SNX31: variants seen among roughly 807,000 people sequenced by gnomAD.
The protein encoded by SNX31 is sorting nexin 31.
In SNX31, 58 loss-of-function variants were observed where a neutral mutation model predicts 65.4. The ratio of observed to expected loss-of-function variants is 0.89; its 90% CI spans 0.72 to 1.10. The LOEUF is 1.10. SNX31 is among the 50% of genes least tolerant of loss of function. The pLI, the probability that SNX31 is intolerant of heterozygous loss-of-function variation, is 0.00. For synonymous variants in SNX31, 181 were observed against 190.1 expected, an observed-to-expected ratio of 0.95 and a Z score of 0.39; for missense variants, 523 against 529.7, an observed-to-expected ratio of 0.99 and a Z score of 0.12.
At chr8:100,652,024 G>GC (rs1563593008), upstream of SNX31, among the ~76,000 whole-genome samples, 3 of 152,062 alleles carry the variant, frequency 2.0e-5, no homozygotes, top group African/African-American at 7.2e-5. Flanking sequence ...AGTCACCCAG[G>GC]CCGGAGTGCA....
intron 2 of SNX31, 91 bp from the exon 3 acceptor site, chr8:100,636,102 C>T: frequency 1.2e-6 from 1 of 811,706 alleles, no homozygotes; most frequent in East Asian, 2.6e-5. Context: ...CAAGTCCCAT[C>T]CCAGCACTTT....
chr8:100,631,314 G>T (rs1029456859), intron 3 of SNX31, among the ~76,000 whole-genome samples: 5 of 152,010 alleles, frequency 3.3e-5, no homozygotes, highest in African/African-American at 1.2e-4. Flanking sequence ...GCCCAGCCTG[G>T]TTCCTCCTGG....
At chr8:100,582,372 T>C (rs1330166325) in intron 12 of SNX31, 1 of 152,206 alleles carries the variant, frequency 6.6e-6, no homozygotes. Context: ...TTTTAATACA[T>C]ACAATAATCT....
Position 100,604,679 on chromosome 8 carries a change from T to C in SNX31, c.681+3815A>G, listed in dbSNP as rs1815974048. Among the ~76,000 whole-genome samples the C allele has an allele frequency of 6.6e-6, 1 of 152,234 alleles. No individual in the cohort carries two copies. On this transcript the variant is annotated intron_variant, in intron 8 of 13. Coordinates refer to ENST00000311812, the MANE Select transcript of SNX31 (RefSeq NM_152628.4). The surrounding 1 kb of genome is among the most constrained non-coding windows in gnomAD (Gnocchi z 4.3). Reference sequence around the variant, plus strand: ...CTTCAAAATGTATACTTACTTATAGTTTTAAATGCAATCTCTCATTTTTAA... The same window carrying C: ...CTTCAAAATGTATACTTACTTATAGCTTTAAATGCAATCTCTCATTTTTAA...
intron 2 of SNX31, among the ~76,000 whole-genome samples, chr8:100,643,933 A>C (rs1490179125): frequency 2.6e-5 from 4 of 152,228 alleles, no homozygotes; most frequent in African/African-American, 4.8e-5. Context: ...CAATCAGAGA[A>C]AGGCATCTCA....
intron 8 of SNX31, among the ~76,000 whole-genome samples, chr8:100,605,094 T>C (rs1222288663): frequency 1.3e-5 from 2 of 152,152 alleles, no homozygotes; most frequent in African/African-American, 2.4e-5. Flanking sequence ...AGATGGAGTT[T>C]CACCATGTTA....
intron 12 of SNX31, among the ~76,000 whole-genome samples, chr8:100,581,325 C>CTATATA (rs1401988460): frequency 0.019 from 2,440 of 128,892 alleles, 65 homozygotes; most frequent in Admixed American, 0.06. Context: ...ATATCTATAT[C>CTATATA]TATCTATCTA....
chr8:100,650,850 G>GTT (rs58797178), upstream of SNX31, among the ~76,000 whole-genome samples: 2,365 of 136,812 alleles, frequency 0.017, 64 homozygotes, highest in African/African-American at 0.053. Flanking sequence ...GTGTTTTTTT[G>GTT]TTTTTTTTTT....
chr8:100,602,106 G>A (rs550671779), intron 8 of SNX31, among the ~76,000 whole-genome samples: 14 of 152,190 alleles, frequency 9.2e-5, no homozygotes, highest in Admixed American at 2.0e-4. Flanking sequence ...AAGACCCCGC[G>A]CCCGTCGTCT....
intron 9 of SNX31, among the ~76,000 whole-genome samples, chr8:100,597,892 G>A (rs1412722270): frequency 1.3e-5 from 2 of 152,174 alleles, no homozygotes; most frequent in African/African-American, 4.8e-5. Context: ...TAGGTTTGGT[G>A]AACTCCACTC....
In SNX31 at chr8:100,625,372, C is replaced by T. The variant is rs1399061939; in HGVS notation, c.321+4955G>A. ...GGAGGTTTAGAGCCTGGTGAGTCCA[C>T]ATATGGATTTTCTTGGATGCGCACC... On this transcript the variant is annotated intron_variant, in intron 4 of 13. Coordinates refer to ENST00000311812, the MANE Select transcript of SNX31 (RefSeq NM_152628.4). This position sits in a 1 kb window ranked among gnomAD's most constrained non-coding sequence, Gnocchi z 4.2. 1.3e-5 allele frequency among the ~76,000 whole-genome samples: 2 copies of T among 150,308 alleles called. No individual in the cohort carries two copies. The highest frequency in any genetic ancestry group is 3.0e-5 in the Non-Finnish European group (2 of 67,684).
At chr8:100,639,245 C>A (rs986960697) in intron 2 of SNX31, among the ~76,000 whole-genome samples, 1 of 152,052 alleles carries the variant, frequency 6.6e-6, no homozygotes, top group South Asian at 2.1e-4. Context: ...TTGGGGAATC[C>A]GAGGATGGAA....
chr8:100,596,865 G>C (rs771184668), intron 9 of SNX31, 23 bp from the exon 10 acceptor site: 6 of 1,609,744 alleles, frequency 3.7e-6, no homozygotes, highest in Admixed American at 3.3e-5. Flanking sequence ...GGGTGATGTG[G>C]GGGGAGGGGA....
chr8:100,589,178 G>C (rs893216968), intron 10 of SNX31, among the ~76,000 whole-genome samples, 199 bp from the exon 11 acceptor site: 10 of 151,824 alleles, frequency 6.6e-5, no homozygotes, highest in Non-Finnish European at 1.5e-4. Context: ...GCAGGGGCCT[G>C]TAATCCCAGC....
intron 4 of SNX31, among the ~76,000 whole-genome samples, chr8:100,621,394 AT>A (rs890241582): frequency 2.7e-4 from 41 of 152,348 alleles, no homozygotes; most frequent in Middle Eastern, 6.8e-3. Flanking sequence ...GCCTCTCTCC[AT>A]GTAGAAGAGA....
Position 100,612,174 on chromosome 8 carries a change from T to G in SNX31, c.524-87A>C. On this transcript the variant is annotated intron_variant, in intron 6 of 13. Transcript: ENST00000311812. This position sits in a 1 kb window ranked among gnomAD's most constrained non-coding sequence, Gnocchi z 4.3. ...GCTTTCAAATGAGAAAATAAAACCT[T>G]ATTATTGGAAATAATAAAATCACAG... The G allele has an allele frequency of 1.3e-6, 1 of 786,130 alleles. No homozygotes were observed. Among genetic ancestry groups the G allele is most frequent in the Non-Finnish European group, 2.1e-6 (1 of 469,052 alleles). 48.7% of individuals were successfully genotyped at this position (786,130 alleles called of 1,614,324 possible). A position where few individuals can be genotyped will look rare whatever the true frequency, so the allele number is the denominator to read the frequency against.
chr8:100,584,988 T>C (rs1813908970), intron 11 of SNX31, among the ~76,000 whole-genome samples: 1 of 152,118 alleles, frequency 6.6e-6, no homozygotes, highest in Non-Finnish European at 1.5e-5. Flanking sequence ...CCTCCCAAAG[T>C]ACTGGGATTA....
intron 2 of SNX31, among the ~76,000 whole-genome samples, chr8:100,638,506 G>A (rs904669241): frequency 6.6e-6 from 1 of 152,204 alleles, no homozygotes; most frequent in Non-Finnish European, 1.5e-5. Context: ...CTGCCTGCCC[G>A]TGGGCAAAAC....
At position 100,596,774 on chromosome 8, in the gene SNX31, G is replaced by T; in HGVS notation, c.843C>A (p.Tyr281Ter). Residue 281 changes from tyrosine to a stop codon, truncating the protein, a stop_gained, in exon 10 of 14, where the codon TAC becomes TAA. Transcript: ENST00000311812. LOFTEE classifies it high-confidence loss of function. ...GAACAGCTCCAGAGCCTGATTCTGGGTAGTCACAGGTACAAGGATCCAGCT... is the reference window on the plus strand; with the variant it reads ...GAACAGCTCCAGAGCCTGATTCTGGTTAGTCACAGGTACAAGGATCCAGCT... Reference protein sequence around the residue: ...YLQLDPCTCDYPESGSGAVLS... With the variant: ...YLQLDPCTCD 1.2e-6 allele frequency: 2 copies of T among 1,614,102 alleles called. No homozygotes were observed. The highest frequency in any genetic ancestry group is 1.7e-6 in the Non-Finnish European group (2 of 1,180,026).
Sources: allele counts gnomAD v4.1 joint callset (sites outside exome capture counted in the v4.1 genomes callset), GRCh38; gene constraint gnomAD v4.1.1; non-coding constraint Gnocchi (gnomAD v3.1); transcripts MANE v1.5; gene names NCBI Gene and HGNC (gene_info 2026-07-23, HGNC 2026-07-21).